SEMA5A: variants seen among roughly 807,000 people sequenced by gnomAD.
SEMA5A encodes semaphorin-5A.
Under a neutral mutation model 135.5 loss-of-function variants are expected in SEMA5A, and 55 were observed. The observed-to-expected ratio is 0.41, with a 90% CI of 0.33 to 0.51. The LOEUF (loss-of-function observed/expected upper bound fraction) is 0.51. Among genes scored for constraint, SEMA5A ranks in the 20% least tolerant of loss-of-function variants. SEMA5A has a pLI of 0.37. For missense variants in SEMA5A, 1,290 were observed against 1,419.9 expected, an observed-to-expected ratio of 0.91 and a Z score of 1.47; for synonymous variants, 580 against 546.5, an observed-to-expected ratio of 1.06 and a Z score of -0.85.
At chr5:9,162,678 G>A (rs1412917419) in intron 11 of SEMA5A, among the ~76,000 whole-genome samples, 1 of 151,244 alleles carries the variant, frequency 6.6e-6, no homozygotes, top group Non-Finnish European at 1.5e-5. Flanking sequence ...GGGAGACTAT[G>A]AGTGATCCTA....
intron 16 of SEMA5A, among the ~76,000 whole-genome samples, chr5:9,083,465 C>T (rs1738500830): frequency 6.6e-6 from 1 of 152,046 alleles, no homozygotes; most frequent in African/African-American, 2.4e-5. Flanking sequence ...ACCTAAGTAC[C>T]ATAATTTAAA....
intron 16 of SEMA5A, among the ~76,000 whole-genome samples, chr5:9,105,674 T>TC (rs1739874170): frequency 6.6e-6 from 1 of 152,120 alleles, no homozygotes; most frequent in South Asian, 2.1e-4. Context: ...GGAAAAACCA[T>TC]CACCGCCTTC....
chr5:9,163,611 T>C (rs1190973305), intron 11 of SEMA5A, among the ~76,000 whole-genome samples: 1 of 152,210 alleles, frequency 6.6e-6, no homozygotes, highest in Non-Finnish European at 1.5e-5. Context: ...AGCTGAACTG[T>C]GTCCACCCAA....
intron 16 of SEMA5A, among the ~76,000 whole-genome samples, chr5:9,085,393 C>G (rs1296331612): frequency 6.6e-6 from 1 of 152,126 alleles, no homozygotes; most frequent in Non-Finnish European, 1.5e-5. Context: ...CTGGGCTGGG[C>G]CCGGGGTCCC....
chr5:9,182,290 T>C (rs1271188946), intron 11 of SEMA5A, among the ~76,000 whole-genome samples: 1 of 151,988 alleles, frequency 6.6e-6, no homozygotes. Context: ...GTATCAACTG[T>C]CCAAACCAAA....
chr5:9,348,494 G>A (rs981491071), intron 3 of SEMA5A, among the ~76,000 whole-genome samples: 2 of 152,066 alleles, frequency 1.3e-5, no homozygotes, highest in African/African-American at 4.8e-5. Context: ...AACTTTACGT[G>A]GCTTCAAAGT....
At chr5:9,530,688 C>A (rs1332882533) in intron 1 of SEMA5A, among the ~76,000 whole-genome samples, 1 of 152,160 alleles carries the variant, frequency 6.6e-6, no homozygotes, top group Non-Finnish European at 1.5e-5. Context: ...TCTGACCACT[C>A]AACTCAGACC....
chr5:9,065,712 A>G (rs1737429640), intron 17 of SEMA5A, among the ~76,000 whole-genome samples: 1 of 152,232 alleles, frequency 6.6e-6, no homozygotes, highest in Non-Finnish European at 1.5e-5. Flanking sequence ...AAAAACAGAA[A>G]TGAAGAACAA....
At chr5:9,180,907 T>C (rs1306609475) in intron 11 of SEMA5A, among the ~76,000 whole-genome samples, 5 of 152,340 alleles carry the variant, frequency 3.3e-5, no homozygotes, top group Admixed American at 6.5e-5. Context: ...GTTTGTCTTT[T>C]CTACAAGTTC....
At chr5:9,412,674 GA>G (rs1449455793) in intron 2 of SEMA5A, among the ~76,000 whole-genome samples, 4 of 144,810 alleles carry the variant, frequency 2.8e-5, no homozygotes, top group Non-Finnish European at 3.0e-5. Flanking sequence ...GTCTAATCTT[GA>G]AATCTCTTTA....
intron 15 of SEMA5A, among the ~76,000 whole-genome samples, chr5:9,116,637 G>A (rs1456310555): frequency 6.6e-6 from 1 of 152,160 alleles, no homozygotes; most frequent in Non-Finnish European, 1.5e-5. Context: ...AATCTTTTGG[G>A]AAGATCAATT....
In SEMA5A at chr5:9,129,229, C is replaced by G. The variant is rs553857748; in HGVS notation, c.1600-6392G>C. On this transcript the variant is annotated intron_variant, in intron 13 of 22. Transcript: ENST00000382496. Reference sequence around the variant, plus strand: ...AATAAAATAGTGCAGAAACAGTTACCAAACCCTGGAAAGAAAAGGAACTGC... The same window carrying G: ...AATAAAATAGTGCAGAAACAGTTACGAAACCCTGGAAAGAAAAGGAACTGC... Among the ~76,000 whole-genome samples the G allele has an allele frequency of 1.8e-4, 27 of 152,196 alleles. 1 individual carries two copies. The highest frequency in any genetic ancestry group is 3.8e-4 in the Non-Finnish European group (26 of 68,040).
intron 2 of SEMA5A, among the ~76,000 whole-genome samples, chr5:9,397,868 C>T (rs913289241): frequency 6.6e-6 from 1 of 152,090 alleles, no homozygotes; most frequent in African/African-American, 2.4e-5. Context: ...AAAGACAGCC[C>T]TTAATTATTT....
intron 4 of SEMA5A, among the ~76,000 whole-genome samples, chr5:9,320,057 T>C (rs1449362412): frequency 3.3e-5 from 5 of 152,176 alleles, no homozygotes; most frequent in Admixed American, 3.3e-4. Context: ...GGTAGTCTCA[T>C]GAGTCCAGGC....
intron 2 of SEMA5A, among the ~76,000 whole-genome samples, chr5:9,416,796 A>G (rs1439406287): frequency 6.6e-6 from 1 of 152,228 alleles, no homozygotes; most frequent in Non-Finnish European, 1.5e-5. Context: ...GTGAGGGGAT[A>G]CTACGGGTAT....
intron 11 of SEMA5A, among the ~76,000 whole-genome samples, chr5:9,156,257 T>C (rs1742949597): frequency 6.6e-6 from 1 of 152,198 alleles, no homozygotes; most frequent in Non-Finnish European, 1.5e-5. Context: ...TCACAGTTCA[T>C]AAGCTTGTTG....
chr5:9,443,840 C>A (rs1758328795), intron 1 of SEMA5A, among the ~76,000 whole-genome samples: 1 of 152,266 alleles, frequency 6.6e-6, no homozygotes, highest in Non-Finnish European at 1.5e-5. Flanking sequence ...AATATTCCAG[C>A]ATTCAAGGAA....
intron 11 of SEMA5A, among the ~76,000 whole-genome samples, chr5:9,167,441 CTAGGATGGAA>C (rs1292741653): frequency 6.6e-6 from 1 of 152,184 alleles, no homozygotes; most frequent in Non-Finnish European, 1.5e-5. Flanking sequence ...AATCCACTGG[CTAGGATGGAA>C]TAGTCAATAT....
rs572317607 is a variant in SEMA5A, at chr5:9,466,895, C to T, written c.-174-29043G>A. ...TCGGATTGGTGTGTCTCAGATTTAT[C>T]ACAAGAGTGGGCAGATGTGAGGGAA... On this transcript the variant is annotated intron_variant, in intron 1 of 22. Transcript: ENST00000382496. Among the ~76,000 whole-genome samples, 5 of 152,282 alleles carry T rather than the reference C, an allele frequency of 3.3e-5. No individual in the cohort carries two copies. The South Asian group carries it at 1.0e-3, about 32-fold the overall frequency.
Sources: allele counts gnomAD v4.1 joint callset (sites outside exome capture counted in the v4.1 genomes callset), GRCh38; gene constraint gnomAD v4.1.1; transcripts MANE v1.5; gene names NCBI Gene and HGNC (gene_info 2026-07-23, HGNC 2026-07-21).